RNF115: variants seen among roughly 807,000 people sequenced by gnomAD.
RNF115 encodes ring finger protein 115, also known as E3 ubiquitin-protein ligase RNF115.
A neutral mutation model predicts 39.2 loss-of-function variants in RNF115; 31 were observed. That is an observed-to-expected ratio of 0.79 (90% confidence interval 0.59 to 1.07). The LOEUF (loss-of-function observed/expected upper bound fraction) is 1.07. Ranked by LOEUF, RNF115 falls within the 50% of genes least tolerant of loss-of-function variation. The pLI, the probability that RNF115 is intolerant of heterozygous loss-of-function variation, is 0.00. For synonymous variants in RNF115, 124 were observed against 131.0 expected (o/e 0.95, Z 0.37); for missense variants, 384 against 381.7 (o/e 1.01, Z -0.05).
intron 1 of RNF115, among the ~76,000 whole-genome samples, chr1:145,789,403 GTTTT>G (rs1159257618): frequency 1.3e-5 from 2 of 148,676 alleles, no homozygotes; most frequent in East Asian, 4.0e-4. Context: ...GCCCAGCCTA[GTTTT>G]TTTTCTTTTT....
At chr1:145,796,252 CA>C (rs1268882668) in intron 1 of RNF115, among the ~76,000 whole-genome samples, 3 of 152,146 alleles carry the variant, frequency 2.0e-5, no homozygotes, top group Non-Finnish European at 4.4e-5. Context: ...TCTAAGAGCT[CA>C]AAAACTCTAT....
At chr1:145,819,221 A>C (rs1650121423) in intron 1 of RNF115, among the ~76,000 whole-genome samples, 1 of 140,368 alleles carries the variant, frequency 7.1e-6, no homozygotes, top group Non-Finnish European at 1.5e-5. Flanking sequence ...GGATCGCTTG[A>C]GCCTAGGAGT....
intron 4 of RNF115, among the ~76,000 whole-genome samples, chr1:145,761,923 C>A (rs1280481654): frequency 6.6e-6 from 1 of 152,180 alleles, no homozygotes; most frequent in Admixed American, 6.5e-5. Context: ...ACCACGGGAA[C>A]CCACCTTTTG....
chr1:145,783,970 T>A (rs1553717794), intron 3 of RNF115, among the ~76,000 whole-genome samples: 1 of 152,182 alleles, frequency 6.6e-6, no homozygotes. Context: ...AAGATTTGTT[T>A]TTCCCAAAAA....
intron 8 of RNF115, among the ~76,000 whole-genome samples, chr1:145,747,686 G>A (rs1268799821): frequency 1.3e-5 from 2 of 152,160 alleles, no homozygotes; most frequent in African/African-American, 4.8e-5. Flanking sequence ...TTTAGGCTTT[G>A]CAGGCCACAC....
At position 145,748,103 on chromosome 1, in the gene RNF115, A is replaced by G. The variant is rs1553712022; in HGVS notation, c.675T>C (p.Gly225=). ...VTVTQEQVDM[G]LECPVCKEDY... is the part of the protein sequence containing the mutation. ...CTTCTTTGCATACTGGACACTCTAA[A>G]CCCATATCTGTTGAAGAAGGAAATG... Residue 225 remains glycine (G), a synonymous_variant, in exon 8 of 9, where the codon GGT becomes GGC. Transcript: ENST00000582693. 6.2e-7 allele frequency: 1 copy of G among 1,610,272 alleles called. No individual in the cohort carries two copies. The highest frequency in any genetic ancestry group is 1.1e-5 in the South Asian group (1 of 90,956).
intron 1 of RNF115, among the ~76,000 whole-genome samples, chr1:145,790,313 T>C (rs1648604204): frequency 6.6e-6 from 1 of 151,894 alleles, no homozygotes; most frequent in African/African-American, 2.4e-5. Context: ...GCTAATTTTG[T>C]ATTTTTATTA....
At chr1:145,778,574 C>A (rs1194941979) in intron 3 of RNF115, among the ~76,000 whole-genome samples, 1 of 152,088 alleles carries the variant, frequency 6.6e-6, no homozygotes, top group Non-Finnish European at 1.5e-5. Flanking sequence ...GAAATGTAAT[C>A]TTGAAAAAGT....
chr1:145,821,457 CTTTTTTTTTT>C (rs1172613737), intron 1 of RNF115, among the ~76,000 whole-genome samples: 37 of 47,492 alleles, frequency 7.8e-4, no homozygotes, highest in African/African-American at 1.5e-3. Context: ...TCTTCTCACT[CTTTTTTTTTT>C]TTTTTTTTTT....
At chr1:145,763,883 G>GCCCTCCCCCTCC (rs1187220015) in intron 4 of RNF115, among the ~76,000 whole-genome samples, 1 of 141,182 alleles carries the variant, frequency 7.1e-6, no homozygotes, top group East Asian at 2.2e-4. Flanking sequence ...AAATTATTTG[G>GCCCTCCCCCTCC]CCCTCCCCCT....
chr1:145,773,791 G>GT (rs55649492), intron 3 of RNF115: 5,553 of 144,030 alleles, frequency 0.039, 317 homozygotes, highest in African/African-American at 0.13. Flanking sequence ...TGTTTGCCCT[G>GT]TTTTTTTTTT....
intron 4 of RNF115, among the ~76,000 whole-genome samples, chr1:145,754,562 C>T (rs1001949160): frequency 1.3e-5 from 2 of 152,132 alleles, no homozygotes; most frequent in African/African-American, 4.8e-5. Context: ...CCATGTTGGC[C>T]GGGCTGTCAA....
chr1:145,744,975 G>C lies in RNF115; in HGVS notation c.*1891C>G, dbSNP rs1458854757. On this transcript the variant is annotated 3_prime_UTR_variant, in exon 9 of 9. Coordinates refer to ENST00000582693, the MANE Select transcript of RNF115 (RefSeq NM_014455.4). ...AAGCTGTTTTGGACATGATCACACT[G>C]ATCAGTTTGAGTCCAAGTATAGCCA... 3 of 152,204 alleles carry C rather than the reference G, an allele frequency of 2.0e-5. No homozygotes were observed. Among genetic ancestry groups the C allele is most frequent in the Admixed American group, 2.0e-4 (3 of 15,266 alleles). The allele number at this position is 152,204 out of a possible 1,614,324, so 9.4% of individuals were successfully genotyped here.
Position 145,823,831 on chromosome 1 carries a change from C to T in RNF115, c.43G>A (p.Val15Ile), listed in dbSNP as rs1379659993. Residue 15 changes from valine (V) to isoleucine (I), a missense_variant, in exon 1 of 9, where the codon GTA (valine) becomes ATA (isoleucine). Transcript: ENST00000582693. ...SAAGADSGAA[V>I]AAHRFFCHFC... Reference sequence around the variant, plus strand: ...TGGCAGAAAAACCGGTGGGCGGCTACAGCGGCGCCCGAGTCCGCCCCGGCC... The same window carrying T: ...TGGCAGAAAAACCGGTGGGCGGCTATAGCGGCGCCCGAGTCCGCCCCGGCC... The T allele has an allele frequency of 7.0e-6, 11 of 1,581,242 alleles. No individual in the cohort carries two copies. The highest frequency in any genetic ancestry group is 2.8e-5 in the African/African-American group (2 of 71,842).
intron 1 of RNF115, among the ~76,000 whole-genome samples, chr1:145,795,016 C>CAAA (rs782249648): frequency 0.019 from 1,516 of 78,062 alleles, 34 homozygotes; most frequent in African/African-American, 0.054. Context: ...GACTCCATTT[C>CAAA]AAAAAAAAAA....
intron 1 of RNF115, among the ~76,000 whole-genome samples, chr1:145,806,684 C>A (rs1553721621): frequency 2.0e-5 from 3 of 152,140 alleles, no homozygotes; most frequent in Admixed American, 6.5e-5. Flanking sequence ...TCTTGCCTTG[C>A]GGAACACCTG....
At chr1:145,797,373 T>C (rs1649031770) in intron 1 of RNF115, among the ~76,000 whole-genome samples, 1 of 152,192 alleles carries the variant, frequency 6.6e-6, no homozygotes, top group South Asian at 2.1e-4. Flanking sequence ...TCCCTGGTGT[T>C]TCAGTAATAA....
intron 4 of RNF115, among the ~76,000 whole-genome samples, chr1:145,755,315 G>C (rs991535343): frequency 1.3e-4 from 20 of 151,992 alleles, no homozygotes; most frequent in African/African-American, 4.6e-4. Context: ...CTCTGGGAGA[G>C]TGCCATATCA....
intron 1 of RNF115, among the ~76,000 whole-genome samples, chr1:145,801,258 C>G (rs782063440): frequency 6.6e-6 from 1 of 152,152 alleles, no homozygotes; most frequent in Non-Finnish European, 1.5e-5. Flanking sequence ...TTTCATTATA[C>G]CATGCTGATT....
Sources: gnomAD v4.1 joint callset for allele counts (sites outside exome capture counted in the v4.1 genomes callset) on GRCh38, gnomAD v4.1.1 for gene constraint, MANE v1.5 for transcripts, NCBI Gene and HGNC (gene_info 2026-07-23, HGNC 2026-07-21) for gene names.